Variants in SS18 observed in about 807,000 individuals in gnomAD.
SS18 encodes the protein SS18 subunit of BAF chromatin remodeling complex.
Under a neutral mutation model 72.5 loss-of-function variants are expected in SS18, and 28 were observed. That is an observed-to-expected ratio of 0.39 (90% confidence interval 0.29 to 0.53). The LOEUF (loss-of-function observed/expected upper bound fraction) is 0.53, where lower values mean the gene tolerates loss of function less well. Among genes scored for constraint, SS18 ranks in the 20% least tolerant of loss-of-function variants. SS18 has a pLI of 0.76. For missense variants in SS18, 518 were observed against 535.3 expected, an observed-to-expected ratio of 0.97 and a Z score of 0.32; for synonymous variants, 172 against 164.2, an observed-to-expected ratio of 1.05 and a Z score of -0.37.
intron 2 of SS18, among the ~76,000 whole-genome samples, chr18:26,079,597 T>C (rs942697189): frequency 2.6e-5 from 4 of 152,222 alleles, no homozygotes; most frequent in Non-Finnish European, 4.4e-5. Context: ...GTTTGTTTTT[T>C]TGAGACAAGG....
chr18:26,018,288 G>T lies in SS18; in HGVS notation c.*66C>A. On this transcript the variant is annotated 3_prime_UTR_variant, in exon 11 of 11. Coordinates refer to ENST00000415083, the MANE Select transcript of SS18 (RefSeq NM_001007559.3). ...TGGAAGGATCTCTTCACAGGGAGGTGTCCACAGTGCTGAGGTGACAATATG... is the reference window on the plus strand; with the variant it reads ...TGGAAGGATCTCTTCACAGGGAGGTTTCCACAGTGCTGAGGTGACAATATG... 7.4e-7 allele frequency: 1 copy of T among 1,358,742 alleles called. No homozygotes were observed. The highest frequency in any genetic ancestry group is 1.0e-6 in the Non-Finnish European group (1 of 963,204). The allele number at this position is 1,358,742 out of a possible 1,614,324, so 84.2% of individuals were successfully genotyped here. A position where few individuals can be genotyped will look rare whatever the true frequency, so the allele number is the denominator to read the frequency against.
chr18:26,048,457 A>C (rs1367531022), intron 5 of SS18, among the ~76,000 whole-genome samples: 1 of 152,260 alleles, frequency 6.6e-6, no homozygotes, highest in African/African-American at 2.4e-5. Flanking sequence ...TAAAGGAAAT[A>C]AACTACCATG....
chr18:26,039,168 CAAAAA>C (rs34318951), intron 6 of SS18, 116 bp downstream of exon 6: 8,258 of 249,614 alleles, frequency 0.033, 24 homozygotes, highest in East Asian at 0.06. Context: ...TACCTTTTGT[CAAAAA>C]AAAAAAAAAA....
intron 2 of SS18, among the ~76,000 whole-genome samples, chr18:26,083,153 A>C (rs2054557680): frequency 6.6e-6 from 1 of 152,206 alleles, no homozygotes; most frequent in South Asian, 2.1e-4. Context: ...GGCAGAATTT[A>C]AGATTCTCCC....
At chr18:26,071,308 A>G (rs2054306434) in intron 3 of SS18, among the ~76,000 whole-genome samples, 1 of 152,218 alleles carries the variant, frequency 6.6e-6, no homozygotes, top group Non-Finnish European at 1.5e-5. Flanking sequence ...GAAAAAATAA[A>G]TTTAAGAAAA....
chr18:26,073,514 C>T (rs2054353454), intron 3 of SS18, among the ~76,000 whole-genome samples: 1 of 152,286 alleles, frequency 6.6e-6, no homozygotes, highest in Admixed American at 6.5e-5. Context: ...ATGATGTTTG[C>T]CTTTTATGCT....
chr18:26,050,628 CTG>C (rs2143966299), intron 5 of SS18, among the ~76,000 whole-genome samples: 1 of 152,060 alleles, frequency 6.6e-6, no homozygotes, highest in Non-Finnish European at 1.5e-5. Flanking sequence ...TTTTTGGTAA[CTG>C]TAATTTTGTG....
rs141096955 is a variant in SS18, at chr18:26,022,687, A to G, written c.1231-4307T>C. Reference sequence around the variant, plus strand: ...AGAGAAAAAGGTAGCTAGAGTTAACAGGACAGAGTACCCTACAAGAAAGAT... The same window carrying G: ...AGAGAAAAAGGTAGCTAGAGTTAACGGGACAGAGTACCCTACAAGAAAGAT... On this transcript the variant is annotated intron_variant, in intron 10 of 10. Transcript: ENST00000415083. Among the ~76,000 whole-genome samples the G allele has an allele frequency of 2.0e-5, 3 of 152,364 alleles. No individual in the cohort carries two copies. The East Asian group carries it at 5.8e-4, about 29-fold the overall frequency.
At chr18:26,029,021 T>C (rs1366823097) in intron 10 of SS18, among the ~76,000 whole-genome samples, 1 of 152,228 alleles carries the variant, frequency 6.6e-6, no homozygotes, top group Non-Finnish European at 1.5e-5. Flanking sequence ...AAGGACTCTC[T>C]GATACGACGT....
At chr18:26,021,725 G>C (rs908235711) in intron 10 of SS18, among the ~76,000 whole-genome samples, 1 of 152,186 alleles carries the variant, frequency 6.6e-6, no homozygotes, top group African/African-American at 2.4e-5. Context: ...TATTAGACAA[G>C]GGAGGAAAAG....
intron 5 of SS18, among the ~76,000 whole-genome samples, chr18:26,048,711 G>C (rs1477769341): frequency 6.6e-6 from 1 of 152,120 alleles, no homozygotes; most frequent in Admixed American, 6.5e-5. Context: ...TCTAACCAAA[G>C]AGTACACTGA....
intron 5 of SS18, among the ~76,000 whole-genome samples, chr18:26,048,198 T>G (rs2053863127): frequency 6.6e-6 from 1 of 152,242 alleles, no homozygotes; most frequent in Admixed American, 6.5e-5. Context: ...TGAAAACAAT[T>G]TGGCAATGTC....
chr18:26,022,829 G>T (rs1247840669), intron 10 of SS18, among the ~76,000 whole-genome samples: 1 of 152,158 alleles, frequency 6.6e-6, no homozygotes, highest in Non-Finnish European at 1.5e-5. Flanking sequence ...ACACCCAAAA[G>T]GATTAGGGGA....
intron 3 of SS18, among the ~76,000 whole-genome samples, chr18:26,068,090 T>G (rs2054250585): frequency 6.6e-6 from 1 of 152,284 alleles, no homozygotes; most frequent in African/African-American, 2.4e-5. Flanking sequence ...ACCTCCTGCT[T>G]TGCAGCCCGG....
chr18:26,065,358 A>C (rs577788669), intron 3 of SS18, among the ~76,000 whole-genome samples: 3 of 152,300 alleles, frequency 2.0e-5, no homozygotes, highest in African/African-American at 7.2e-5. Context: ...ACAGACAAAC[A>C]GACCAACAGA....
intron 2 of SS18, among the ~76,000 whole-genome samples, chr18:26,078,843 T>C (rs903105014): frequency 7.9e-5 from 12 of 152,286 alleles, no homozygotes; most frequent in African/African-American, 2.9e-4. Flanking sequence ...GCCGAGATCA[T>C]GCCACTGCAC....
chr18:26,058,338 A>T (rs2054061957), intron 3 of SS18, among the ~76,000 whole-genome samples: 1 of 152,200 alleles, frequency 6.6e-6, no homozygotes, highest in Admixed American at 6.5e-5. Context: ...TCCTAATGCA[A>T]TTTTGAAGAA....
intron 10 of SS18, among the ~76,000 whole-genome samples, chr18:26,025,598 T>C (rs918564736): frequency 6.6e-6 from 1 of 151,972 alleles, no homozygotes; most frequent in East Asian, 1.9e-4. Flanking sequence ...ACAGATAAAA[T>C]GGACAACTCC....
chr18:26,055,415 C>A (rs191422748), intron 4 of SS18, among the ~76,000 whole-genome samples: 1 of 151,656 alleles, frequency 6.6e-6, no homozygotes, highest in Non-Finnish European at 1.5e-5. Context: ...TGCAGTGAGC[C>A]GAGATTGTGC....
Sources: gnomAD v4.1 joint callset for allele counts (sites outside exome capture counted in the v4.1 genomes callset) on GRCh38, gnomAD v4.1.1 for gene constraint, MANE v1.5 for transcripts, NCBI Gene and HGNC (gene_info 2026-07-23, HGNC 2026-07-21) for gene names.